The following MTHFD2 variants were observed in gnomAD, a reference collection of about 807,000 sequenced individuals.
MTHFD2 encodes the protein bifunctional methylenetetrahydrofolate dehydrogenase/cyclohydrolase, mitochondrial.
A neutral mutation model predicts 36.8 loss-of-function variants in MTHFD2; 26 were observed. The observed-to-expected ratio is 0.71, with a 90% CI of 0.52 to 0.98. The LOEUF (loss-of-function observed/expected upper bound fraction) is 0.98, where lower values mean the gene tolerates loss of function less well. Ranked by LOEUF, MTHFD2 falls within the 50% of genes least tolerant of loss-of-function variation. The pLI is 0.00. For synonymous variants in MTHFD2, 164 were observed against 155.2 expected (o/e 1.06, Z -0.42); for missense variants, 373 against 434.0 (o/e 0.86, Z 1.25).
chr2:74,198,628 C>A lies in MTHFD2; in HGVS notation c.-14C>A. 2 of 1,593,250 alleles carry A rather than the reference C, an allele frequency of 1.3e-6. No homozygotes were observed. Among genetic ancestry groups the A allele is most frequent in the South Asian group, 1.1e-5 (1 of 88,812 alleles). On this transcript the variant is annotated 5_prime_UTR_variant, in exon 1 of 8. Transcript: ENST00000394053. ...GCGCGCGCTTCCCTCCCGGCGCAGT[C>A]ACCGGCGCGGTCTATGGCTGCGACT...
chr2:74,211,214 C>G lies in MTHFD2; in HGVS notation c.686C>G (p.Thr229Arg). 1.2e-6 allele frequency: 2 copies of G among 1,604,212 alleles called. No individual in the cohort carries two copies. The highest frequency in any genetic ancestry group is 1.7e-6 in the Non-Finnish European group (2 of 1,173,256). Residue 229 changes from threonine (T) to arginine (R), a missense_variant, in exon 6 of 8, where the codon ACA (threonine) becomes AGA (arginine). Thr to Arg is a moderately conservative substitution (Grantham distance 71, BLOSUM62 -1). Transcript: ENST00000394053. ...HERPGGDATV[T>R]ISHRYTPKEQ... ...TTCTTTCTAGGTGATGCCACTGTTACAATATCTCATCGATATACTCCCAAA... is the reference window on the plus strand; with the variant it reads ...TTCTTTCTAGGTGATGCCACTGTTAGAATATCTCATCGATATACTCCCAAA...
At chr2:74,209,353 C>T (rs536796154) in intron 4 of MTHFD2, among the ~76,000 whole-genome samples, 1 of 151,408 alleles carries the variant, frequency 6.6e-6, no homozygotes, top group Admixed American at 6.6e-5. Context: ...TGCCATTCTC[C>T]TGCCTCAGCC....
intron 7 of MTHFD2, 61 bp downstream of exon 7, chr2:74,211,927 T>G (rs1414587830): frequency 4.7e-6 from 6 of 1,280,910 alleles, no homozygotes; most frequent in Non-Finnish European, 6.3e-6. Flanking sequence ...TCATGGACAT[T>G]TAGGATAGAT....
In MTHFD2 at chr2:74,210,058, A is replaced by T; in HGVS notation, c.670+9A>T. On this transcript the variant is annotated intron_variant, in intron 5 of 7. Transcript: ENST00000394053. ...GCATGAACGTCCCGGAGGTAAGGAA[A>T]TTGCTTTCAGGGAACACTGTCCTTT... 1 of 1,608,412 alleles carries T rather than the reference A, an allele frequency of 6.2e-7. No individual in the cohort carries two copies. Among genetic ancestry groups the T allele is most frequent in the African/African-American group, 1.3e-5 (1 of 74,862 alleles).
chr2:74,214,443 G>T lies in MTHFD2; in HGVS notation c.*201G>T. On this transcript the variant is annotated 3_prime_UTR_variant, in exon 8 of 8. Transcript: ENST00000394053. Reference sequence around the variant, plus strand: ...CAGGGAGCATTCCAGTATCATGCAGGGTCCTGTGATCTAGCCAGGAGCAGC... The same window carrying T: ...CAGGGAGCATTCCAGTATCATGCAGTGTCCTGTGATCTAGCCAGGAGCAGC... 1 of 456,284 alleles carries T rather than the reference G, an allele frequency of 2.2e-6. No individual in the cohort carries two copies. Among genetic ancestry groups the T allele is most frequent in the South Asian group, 2.8e-5 (1 of 35,262 alleles). The allele number at this position is 456,284 out of a possible 1,614,324, so 28.3% of individuals were successfully genotyped here.
chr2:74,201,381 G>A (rs1694039151), intron 1 of MTHFD2, among the ~76,000 whole-genome samples: 1 of 150,820 alleles, frequency 6.6e-6, no homozygotes, highest in Admixed American at 6.6e-5. Context: ...TTTTTTGGCA[G>A]GGGAATCTCT....
rs751181127 is a variant in MTHFD2, at chr2:74,205,909, C to G, written c.286+20C>G. 1 of 1,604,252 alleles carries G rather than the reference C, an allele frequency of 6.2e-7. No individual in the cohort carries two copies. Among genetic ancestry groups the G allele is most frequent in the Non-Finnish European group, 8.5e-7 (1 of 1,172,712 alleles). On this transcript the variant is annotated intron_variant, in intron 2 of 7. Coordinates refer to ENST00000394053, the MANE Select transcript of MTHFD2 (RefSeq NM_006636.4). ...TTGTGGGTATGTGTCCTTCTGAGAC[C>G]TCGACTGCGGTTCAGTTGAGGTTTA...
chr2:74,201,263 C>T (rs1694036825), intron 1 of MTHFD2, among the ~76,000 whole-genome samples: 1 of 152,192 alleles, frequency 6.6e-6, no homozygotes, highest in Non-Finnish European at 1.5e-5. Flanking sequence ...GCAGGGATTA[C>T]AGGCATGAGC....
intron 5 of MTHFD2, 35 bp downstream of exon 5, chr2:74,210,084 T>C: frequency 1.3e-6 from 2 of 1,557,016 alleles, no homozygotes; most frequent in Non-Finnish European, 1.8e-6. Flanking sequence ...ACTGTCCTTT[T>C]TTCCCCATGT....
At position 74,207,834 on chromosome 2, in the gene MTHFD2, T is replaced by C. The variant is rs761468889; in HGVS notation, c.409+8T>C. ...TTCAGTTGCCTCTTCCAGGTGAGTT[T>C]TGGACTCCATTTAACATGATTGCTG... On this transcript the variant is annotated splice_region_variant and intron_variant, in intron 3 of 7. Transcript: ENST00000394053. 1 of 1,584,322 alleles carries C rather than the reference T, an allele frequency of 6.3e-7. No individual in the cohort carries two copies. Among genetic ancestry groups the C allele is most frequent in the African/African-American group, 1.3e-5 (1 of 74,570 alleles).
intron 2 of MTHFD2, among the ~76,000 whole-genome samples, chr2:74,207,236 C>T (rs769940972): frequency 9.2e-5 from 14 of 152,214 alleles, no homozygotes; most frequent in Non-Finnish European, 1.6e-4. Context: ...TCAAGCGATT[C>T]TCCTGCCTCA....
intron 4 of MTHFD2, among the ~76,000 whole-genome samples, chr2:74,209,242 T>C (rs1397578470): frequency 6.6e-6 from 1 of 151,482 alleles, no homozygotes; most frequent in African/African-American, 2.4e-5. Flanking sequence ...TATTTTTCTT[T>C]TTCTTTTTTT....
At chr2:74,205,574 G>A (rs1694156525) in intron 1 of MTHFD2, 131 bp from the exon 2 acceptor site, 2 of 927,742 alleles carry the variant, frequency 2.2e-6, no homozygotes, top group Non-Finnish European at 3.2e-6. Context: ...AAACTCCTGG[G>A]CTCAAGCCAT....
At position 74,211,309 on chromosome 2, in the gene MTHFD2, A is replaced by G. The variant is rs778297118; in HGVS notation, c.763+18A>G. 7 of 1,513,796 alleles carry G rather than the reference A, an allele frequency of 4.6e-6. No homozygotes were observed. Among genetic ancestry groups the G allele is most frequent in the South Asian group, 2.3e-5 (2 of 87,100 alleles). 93.8% of individuals were successfully genotyped at this position (1,513,796 alleles called of 1,614,324 possible). ...TGCTGCAGGTAAGAACACAAGGGGG[A>G]TGGAGGGAAGGACTTCACCTCAGAA... On this transcript the variant is annotated intron_variant, in intron 6 of 7. Transcript: ENST00000394053.
At position 74,214,100 on chromosome 2, in the gene MTHFD2, A is replaced by G. The variant is rs751183232; in HGVS notation, c.911A>G (p.Tyr304Cys). The G allele has an allele frequency of 3.7e-6, 6 of 1,613,914 alleles. No homozygotes were observed. In the African/African-American group the frequency reaches 6.7e-5, roughly 18 times the overall value. ...DFEGVRQKAG[Y>C]ITPVPGGVGP... ...GTAGGAGTCAGACAAAAAGCTGGGT[A>G]TATCACTCCAGTTCCTGGAGGTGTT... is the stretch of plus-strand genomic sequence containing the variant. The change falls in exon 8 of 8, where the codon TAT becomes TGT. Residue 304 changes from tyrosine (Y) to cysteine (C), a missense_variant. This residue lies in a region of MTHFD2 where 308 missense variants were observed against 397.8 expected (regional missense o/e 0.77). Coordinates refer to ENST00000394053, the MANE Select transcript of MTHFD2 (RefSeq NM_006636.4).
At chr2:74,198,903 G>A (rs184991460) in intron 1 of MTHFD2, among the ~76,000 whole-genome samples, 161 bp downstream of exon 1, 1 of 152,158 alleles carries the variant, frequency 6.6e-6, no homozygotes, top group Non-Finnish European at 1.5e-5. Flanking sequence ...GTGGCACCGA[G>A]CGCCGCCGCA....
rs1011720276 is a variant in MTHFD2 at position 74,215,618 on chromosome 2, GTTTGT to G, written c.*1381_*1385del. The G allele has an allele frequency of 1.9e-4, 29 of 152,372 alleles. No homozygotes were observed. The highest frequency in any genetic ancestry group is 7.0e-4 in the African/African-American group (29 of 41,542). The allele number at this position is 152,372 out of a possible 1,614,324, so 9.4% of individuals were successfully genotyped here. On this transcript the variant is annotated 3_prime_UTR_variant, in exon 8 of 8. Coordinates refer to ENST00000394053, the MANE Select transcript of MTHFD2 (RefSeq NM_006636.4). The stretch of plus-strand genomic sequence containing the variant: ...GCCTCGTCCTCCAGTCTCTTTGTTT[GTTTGT>G]TTTGAGACTGAGTCTTGCTCTGTTG...
chr2:74,205,967 C>G, intron 2 of MTHFD2, 78 bp downstream of exon 2: 1 of 1,465,578 alleles, frequency 6.8e-7, no homozygotes, highest in South Asian at 1.3e-5. Context: ...TTTATGATTT[C>G]TTTTTTCTGA....
At chr2:74,211,081 G>A (rs1694294788) in intron 5 of MTHFD2, 118 bp from the exon 6 acceptor site, 12 of 673,610 alleles carry the variant, frequency 1.8e-5, no homozygotes, top group Non-Finnish European at 1.8e-5. Flanking sequence ...CACTGCACCT[G>A]GCCGTAAGTC....
Sources: gnomAD v4.1 joint callset for allele counts (sites outside exome capture counted in the v4.1 genomes callset) on GRCh38, gnomAD v4.1.1 for gene constraint, gnomAD v4.1.1 regional missense constraint, MANE v1.5 for transcripts, NCBI Gene and HGNC (gene_info 2026-07-23, HGNC 2026-07-21) for gene names.